Variants in PPARGC1A observed in about 807,000 individuals in gnomAD.
The protein encoded by PPARGC1A is peroxisome proliferator-activated receptor gamma coactivator 1-alpha.
A neutral mutation model predicts 88.7 loss-of-function variants in PPARGC1A; 25 were observed. The observed-to-expected ratio is 0.28, with a 90% CI of 0.21 to 0.39. The LOEUF is 0.39. Among genes scored for constraint, PPARGC1A ranks in the 10% least tolerant of loss-of-function variants. PPARGC1A has a pLI of 1.00. For missense variants in PPARGC1A, 880 were observed against 968.7 expected (o/e 0.91, Z 1.22); for synonymous variants, 363 against 355.6 (o/e 1.02, Z -0.24).
chr4:24,432,476 G>C, the PPARGC1A span, among the ~76,000 whole-genome samples: 1 of 152,160 alleles, frequency 6.6e-6, no homozygotes, highest in Non-Finnish European at 1.5e-5. Context: ...AAATCAGATA[G>C]ACTGACTTCA....
At chr4:24,410,884 C>T in the PPARGC1A span, among the ~76,000 whole-genome samples, 2 of 152,180 alleles carry the variant, frequency 1.3e-5, no homozygotes, top group Non-Finnish European at 2.9e-5. Flanking sequence ...GGCTTCCCTA[C>T]TTTTGAGGTT....
At chr4:24,338,476 A>G in the PPARGC1A span, among the ~76,000 whole-genome samples, 1 of 152,204 alleles carries the variant, frequency 6.6e-6, no homozygotes, top group Admixed American at 6.5e-5. Flanking sequence ...CACATTTTTC[A>G]TTAATTCCAT....
At chr4:24,376,077 A>T in the PPARGC1A span, among the ~76,000 whole-genome samples, 1 of 152,152 alleles carries the variant, frequency 6.6e-6, no homozygotes, top group East Asian at 1.9e-4. Flanking sequence ...TTCCATTCAC[A>T]CATTAAAGAA....
At chr4:24,297,407 C>A in the PPARGC1A span, among the ~76,000 whole-genome samples, 2 of 152,162 alleles carry the variant, frequency 1.3e-5, no homozygotes, top group Non-Finnish European at 2.9e-5. Flanking sequence ...TTCAAAGCAT[C>A]TCCTTTATGC....
chr4:24,255,087 A>T, the PPARGC1A span, among the ~76,000 whole-genome samples: 9 of 152,228 alleles, frequency 5.9e-5, no homozygotes, highest in Non-Finnish European at 1.2e-4. Flanking sequence ...TTAATCACTT[A>T]AGACTCTTTC....
the PPARGC1A span, among the ~76,000 whole-genome samples, chr4:24,281,378 TGAA>T: frequency 6.6e-6 from 1 of 152,168 alleles, no homozygotes; most frequent in African/African-American, 2.4e-5. Context: ...CAGTGGAAGA[TGAA>T]GAGGAGACAG....
chr4:24,029,660 A>T, the PPARGC1A span, among the ~76,000 whole-genome samples: 3 of 152,196 alleles, frequency 2.0e-5, no homozygotes, highest in African/African-American at 4.8e-5. Flanking sequence ...TTTGCAAAAC[A>T]GGTAGTACAG....
intron 10 of PPARGC1A, among the ~76,000 whole-genome samples, chr4:23,804,346 T>A (rs571012249): frequency 1.1e-4 from 17 of 152,332 alleles, no homozygotes; most frequent in South Asian, 8.3e-4. Flanking sequence ...ACTCAAGTCC[T>A]ATTAATTTTT....
the PPARGC1A span, among the ~76,000 whole-genome samples, chr4:24,073,393 A>T: frequency 6.6e-6 from 1 of 152,126 alleles, no homozygotes; most frequent in Non-Finnish European, 1.5e-5. Flanking sequence ...AAGATTTTTA[A>T]ACTACCTTCT....
At chr4:23,912,901 G>C in the PPARGC1A span, among the ~76,000 whole-genome samples, 1 of 150,304 alleles carries the variant, frequency 6.7e-6, no homozygotes, top group South Asian at 2.1e-4. Flanking sequence ...CCATTCTCCT[G>C]CCTCAGCCTC....
chr4:24,093,295 A>G, the PPARGC1A span, among the ~76,000 whole-genome samples: 1 of 152,224 alleles, frequency 6.6e-6, no homozygotes, highest in East Asian at 1.9e-4. Context: ...CCTCATTAAT[A>G]CAGCACCTCG....
upstream of PPARGC1A, among the ~76,000 whole-genome samples, chr4:23,906,723 G>C (rs1475334486): frequency 6.6e-6 from 1 of 151,106 alleles, no homozygotes; most frequent in East Asian, 2.0e-4. Flanking sequence ...CTTTAACTTT[G>C]CCTCTTAGCA....
At position 23,814,432 on chromosome 4, in the gene PPARGC1A, G is replaced by T; in HGVS notation, c.1051C>A (p.Gln351Lys). The part of the protein sequence containing the change: ...GNNSTKKGPE[Q>K]SELYAQLSKS... ...CTGAGTTGTGCATACAACTCGGATTGCTCCGGCCCTTTCTTGGTGGAGTTA... is the reference window on the plus strand; with the variant it reads ...CTGAGTTGTGCATACAACTCGGATTTCTCCGGCCCTTTCTTGGTGGAGTTA... The change falls in exon 8 of 13, where the codon CAA becomes AAA. Residue 351 changes from glutamine (Q) to lysine (K), a missense_variant. By Grantham distance (53) the Gln-to-Lys change is moderately conservative. Coordinates refer to ENST00000264867, the MANE Select transcript of PPARGC1A (RefSeq NM_013261.5). 6.2e-7 allele frequency: 1 copy of T among 1,613,760 alleles called. No individual in the cohort carries two copies. The highest frequency in any genetic ancestry group is 1.7e-5 in the Admixed American group (1 of 59,980).
chr4:23,836,953 G>A (rs973221102), intron 2 of PPARGC1A, among the ~76,000 whole-genome samples: 5 of 152,112 alleles, frequency 3.3e-5, no homozygotes, highest in African/African-American at 7.2e-5. Context: ...TACTGCATGC[G>A]GTATCCCAAA....
chr4:23,936,413 C>T, the PPARGC1A span, among the ~76,000 whole-genome samples: 5 of 152,094 alleles, frequency 3.3e-5, no homozygotes, highest in African/African-American at 4.8e-5. Context: ...TGGCAATCCA[C>T]AGGACATGAA....
At chr4:24,005,849 CATT>C in the PPARGC1A span, among the ~76,000 whole-genome samples, 6 of 151,932 alleles carry the variant, frequency 3.9e-5, no homozygotes. Flanking sequence ...CTTATGATTC[CATT>C]ATTATACAGG....
the PPARGC1A span, among the ~76,000 whole-genome samples, chr4:24,201,963 G>A: frequency 8.3e-4 from 125 of 150,910 alleles, no homozygotes; most frequent in African/African-American, 2.7e-3. Context: ...GTGCAGTGGC[G>A]CGATCTCAGC....
chr4:24,456,303 A>G, the PPARGC1A span, among the ~76,000 whole-genome samples: 16 of 152,164 alleles, frequency 1.1e-4, no homozygotes, highest in African/African-American at 3.9e-4. Flanking sequence ...GTGGAAAGAT[A>G]AGAGATTTCC....
the PPARGC1A span, among the ~76,000 whole-genome samples, chr4:24,248,892 A>G: frequency 6.6e-6 from 1 of 152,186 alleles, no homozygotes; most frequent in East Asian, 1.9e-4. Context: ...AGCCACTCCA[A>G]ATACACCACC....
Sources: allele counts gnomAD v4.1 joint callset (sites outside exome capture counted in the v4.1 genomes callset), GRCh38; gene constraint gnomAD v4.1.1; transcripts MANE v1.5; gene names NCBI Gene and HGNC (gene_info 2026-07-23, HGNC 2026-07-21).